EFR3B: variants seen among roughly 807,000 people sequenced by gnomAD.
EFR3B encodes the protein protein EFR3 homolog B.
A neutral mutation model predicts 104.7 loss-of-function variants in EFR3B; 64 were observed. That is an observed-to-expected ratio of 0.61 (90% CI 0.50 to 0.75). EFR3B has a LOEUF of 0.75. Ranked by LOEUF, EFR3B falls within the 30% of genes least tolerant of loss-of-function variation. EFR3B has a pLI of 0.00. For synonymous variants in EFR3B, 385 were observed against 417.9 expected (o/e 0.92, Z 0.96); for missense variants, 750 against 1,078.5 (o/e 0.70, Z 4.27).
chr2:25,065,219 C>T (rs906889069), intron 1 of EFR3B, among the ~76,000 whole-genome samples: 5 of 152,144 alleles, frequency 3.3e-5, no homozygotes, highest in Non-Finnish European at 5.9e-5. Flanking sequence ...CTCGCTCTGT[C>T]ACCCCAGTAG....
At chr2:25,123,342 G>A (rs1321982400) in intron 5 of EFR3B, among the ~76,000 whole-genome samples, 3 of 151,028 alleles carry the variant, frequency 2.0e-5, no homozygotes, top group Admixed American at 6.7e-5. Flanking sequence ...CCTGGGTGAC[G>A]GAGTGAGACC....
intron 4 of EFR3B, among the ~76,000 whole-genome samples, chr2:25,112,389 G>C (rs1191823074): frequency 6.6e-6 from 1 of 152,250 alleles, no homozygotes; most frequent in African/African-American, 2.4e-5. Context: ...ACTTTCCCAG[G>C]AGTCCTTAAA....
Position 25,137,563 on chromosome 2 carries a change from A to G in EFR3B, c.1722+61A>G. The G allele has an allele frequency of 6.5e-7, 1 of 1,545,066 alleles. No homozygotes were observed. The highest frequency in any genetic ancestry group is 8.8e-7 in the Non-Finnish European group (1 of 1,142,650). Reference sequence around the variant, plus strand: ...ATCAGGGGAGGGACTTGTTTTGGGCAAGCCCTGATAAGAGTATTGACTAGC... The same window carrying G: ...ATCAGGGGAGGGACTTGTTTTGGGCGAGCCCTGATAAGAGTATTGACTAGC... On this transcript the variant is annotated intron_variant, in intron 15 of 22. Transcript: ENST00000403714. The surrounding 1 kb of genome is among the most constrained non-coding windows in gnomAD (Gnocchi z 4.7).
intron 20 of EFR3B, among the ~76,000 whole-genome samples, chr2:25,149,977 C>T (rs980597532): frequency 6.6e-6 from 1 of 152,152 alleles, no homozygotes; most frequent in Non-Finnish European, 1.5e-5. Flanking sequence ...CAGTGGGCAA[C>T]GCTTTTGCCA....
At chr2:25,128,855 C>G (rs887699459) in intron 6 of EFR3B, among the ~76,000 whole-genome samples, 1 of 149,894 alleles carries the variant, frequency 6.7e-6, no homozygotes, top group Non-Finnish European at 1.5e-5. Flanking sequence ...CCCAGCTACT[C>G]GGGAGGCTGA....
chr2:25,145,468 G>A (rs960659083), intron 19 of EFR3B: 12 of 218,122 alleles, frequency 5.5e-5, no homozygotes, highest in Non-Finnish European at 9.9e-5. Context: ...CAGGTACTCA[G>A]GATGCTGAGG....
At chr2:25,057,519 C>T (rs536428311) in intron 1 of EFR3B, among the ~76,000 whole-genome samples, 4 of 152,190 alleles carry the variant, frequency 2.6e-5, no homozygotes, top group East Asian at 1.9e-4. Context: ...CGGTGGCTCA[C>T]GCCTGTAATC....
At chr2:25,050,828 A>G (rs1391609003) in intron 1 of EFR3B, among the ~76,000 whole-genome samples, 1 of 152,274 alleles carries the variant, frequency 6.6e-6, no homozygotes, top group South Asian at 2.1e-4. Flanking sequence ...CCTAGGACGA[A>G]TACAGCTTTT....
chr2:25,115,400 T>G (rs1050446178), intron 4 of EFR3B, among the ~76,000 whole-genome samples: 10 of 152,336 alleles, frequency 6.6e-5, no homozygotes, highest in African/African-American at 1.9e-4. Flanking sequence ...GCAAGCGGGT[T>G]GAGCTGAAAT....
chr2:25,113,811 G>A (rs1368586946), intron 4 of EFR3B, among the ~76,000 whole-genome samples: 2 of 152,170 alleles, frequency 1.3e-5, no homozygotes, highest in African/African-American at 2.4e-5. Flanking sequence ...GTGCCTAACT[G>A]TGACAGGTGA....
At chr2:25,113,683 GA>G (rs1669786662) in intron 4 of EFR3B, among the ~76,000 whole-genome samples, 1 of 148,932 alleles carries the variant, frequency 6.7e-6, no homozygotes, top group African/African-American at 2.5e-5. Flanking sequence ...AAAAAAAAAA[GA>G]AAAGAAAAGA....
intron 1 of EFR3B, among the ~76,000 whole-genome samples, chr2:25,077,186 C>T (rs913666711): frequency 5.9e-5 from 9 of 152,242 alleles, no homozygotes; most frequent in Admixed American, 2.0e-4. Context: ...CAAATTGCTG[C>T]GTCACTCAGA....
Position 25,124,633 on chromosome 2 carries a change from G to A in EFR3B, c.485+2839G>A, listed in dbSNP as rs1280838672. 4.7e-5 allele frequency among the ~76,000 whole-genome samples: 7 copies of A among 150,134 alleles called. 1 individual carries two copies. The East Asian group carries it at 9.9e-4, about 21-fold the overall frequency. ...CGGGCACCTGTAATCCCAGCTACTC[G>A]GGAGGCTGAGGCAGGAGAATTGTGT... On this transcript the variant is annotated intron_variant, in intron 5 of 22. Transcript: ENST00000403714.
At chr2:25,051,868 G>A (rs1667880355) in intron 1 of EFR3B, among the ~76,000 whole-genome samples, 1 of 150,252 alleles carries the variant, frequency 6.7e-6, no homozygotes, top group African/African-American at 2.4e-5. Flanking sequence ...TTGATCTCCT[G>A]ACCTCAGGTG....
chr2:25,147,994 T>A (rs977298431), intron 19 of EFR3B: 1 of 126,352 alleles, frequency 7.9e-6, no homozygotes, highest in Non-Finnish European at 1.5e-5. Flanking sequence ...CATAGTACTC[T>A]AGCCTGGGTG....
chr2:25,043,243 C>T (rs1219294033), intron 1 of EFR3B, among the ~76,000 whole-genome samples: 1 of 152,178 alleles, frequency 6.6e-6, no homozygotes, highest in Non-Finnish European at 1.5e-5. Flanking sequence ...GGCAGCTCTT[C>T]TAGTGCCAGC....
Position 25,111,211 on chromosome 2 carries a change from C to T in EFR3B, c.363+7424C>T, listed in dbSNP as rs550145987. Among the ~76,000 whole-genome samples the T allele has an allele frequency of 1.6e-4, 24 of 152,326 alleles. No individual in the cohort carries two copies. In the South Asian group the frequency reaches 5.0e-3, roughly 32 times the overall value. On this transcript the variant is annotated intron_variant, in intron 4 of 22. Coordinates refer to ENST00000403714, the MANE Select transcript of EFR3B (RefSeq NM_014971.2). ...TTACAGATGCCAAGTGTGATCCCGG[C>T]CTAGGGTGTGGCCAGCCACCCCTCT...
At chr2:25,097,218 C>T (rs554089634) in intron 3 of EFR3B, among the ~76,000 whole-genome samples, 37 of 152,260 alleles carry the variant, frequency 2.4e-4, no homozygotes, top group Middle Eastern at 6.8e-3. Flanking sequence ...TAAAAATAGC[C>T]ATTGTAGCCT....
intron 1 of EFR3B, among the ~76,000 whole-genome samples, chr2:25,063,539 G>A (rs554706099): frequency 5.3e-4 from 80 of 152,290 alleles, no homozygotes; most frequent in South Asian, 2.9e-3. Flanking sequence ...ACCCCATTTA[G>A]CAGTTAATGT....
Sources: allele counts gnomAD v4.1 joint callset (sites outside exome capture counted in the v4.1 genomes callset), GRCh38; gene constraint gnomAD v4.1.1; non-coding constraint Gnocchi (gnomAD v3.1); transcripts MANE v1.5; gene names NCBI Gene and HGNC (gene_info 2026-07-23, HGNC 2026-07-21).